NRG3: variants seen among roughly 807,000 people sequenced by gnomAD.
NRG3 encodes pro-neuregulin-3, membrane-bound isoform.
Under a neutral mutation model 66.9 loss-of-function variants are expected in NRG3, and 31 were observed. That is an observed-to-expected ratio of 0.46 (90% CI 0.35 to 0.63). The LOEUF is 0.63. NRG3 is among the 20% of genes least tolerant of loss of function. The probability of loss-of-function intolerance (pLI) is 0.00; values close to 1 mark genes in which losing one functional copy is unlikely to be tolerated. For synonymous variants in NRG3, 393 were observed against 359.4 expected (o/e 1.09, Z -1.06); for missense variants, 910 against 878.9 (o/e 1.04, Z -0.45).
At chr10:82,419,439 G>A (rs915423002) in intron 2 of NRG3, among the ~76,000 whole-genome samples, 2 of 152,098 alleles carry the variant, frequency 1.3e-5, no homozygotes, top group Admixed American at 6.6e-5. Flanking sequence ...ACACAACCTC[G>A]TTTTATAAAG....
chr10:82,322,126 T>G (rs2135150546), intron 1 of NRG3, among the ~76,000 whole-genome samples: 1 of 152,338 alleles, frequency 6.6e-6, no homozygotes, highest in African/African-American at 2.4e-5. Flanking sequence ...CCACTCTTAT[T>G]TTTATGATCT....
chr10:81,927,236 AT>A (rs1846894666), intron 1 of NRG3, among the ~76,000 whole-genome samples: 2 of 152,164 alleles, frequency 1.3e-5, no homozygotes, highest in African/African-American at 2.4e-5. Context: ...TAAACGCCAA[AT>A]TATTTTTTCT....
intron 2 of NRG3, among the ~76,000 whole-genome samples, chr10:82,547,465 A>G (rs912527887): frequency 6.7e-6 from 1 of 149,392 alleles, no homozygotes; most frequent in Non-Finnish European, 1.5e-5. Context: ...ATATGTATGT[A>G]TATATGTATA....
intron 1 of NRG3, among the ~76,000 whole-genome samples, chr10:82,277,578 CT>C (rs2078916859): frequency 6.6e-6 from 1 of 151,998 alleles, no homozygotes; most frequent in Non-Finnish European, 1.5e-5. Context: ...ATGTAACCTC[CT>C]TTTCATGGCT....
intron 2 of NRG3, among the ~76,000 whole-genome samples, chr10:82,736,240 G>A (rs1234243343): frequency 6.6e-5 from 10 of 152,152 alleles, no homozygotes; most frequent in Non-Finnish European, 1.5e-4. Flanking sequence ...TTCAATCTAT[G>A]CACTAGAAGT....
At chr10:82,408,143 G>GAAAGAAAGAA (rs1554911339) in intron 2 of NRG3, among the ~76,000 whole-genome samples, 21 of 139,130 alleles carry the variant, frequency 1.5e-4, no homozygotes, top group African/African-American at 5.1e-4. Flanking sequence ...AAGAAAGAAA[G>GAAAGAAAGAA]AAAAGAAAAA....
chr10:82,973,288 T>C (rs923609125), intron 6 of NRG3, among the ~76,000 whole-genome samples: 1 of 152,212 alleles, frequency 6.6e-6, no homozygotes, highest in Non-Finnish European at 1.5e-5. Context: ...TTAAACATGG[T>C]AACTACCTGG....
At chr10:82,229,885 A>G (rs1359051001) in intron 1 of NRG3, among the ~76,000 whole-genome samples, 1 of 152,252 alleles carries the variant, frequency 6.6e-6, no homozygotes. Context: ...AAAGGAGAAT[A>G]GAAACGGAAA....
At chr10:82,929,801 G>A (rs1302694224) in intron 4 of NRG3, among the ~76,000 whole-genome samples, 1 of 151,514 alleles carries the variant, frequency 6.6e-6, no homozygotes, top group Non-Finnish European at 1.5e-5. Flanking sequence ...GCTTGAAGGT[G>A]GGAGGCAGAG....
At chr10:82,075,209 A>G (rs1188426698) in intron 1 of NRG3, among the ~76,000 whole-genome samples, 1 of 152,068 alleles carries the variant, frequency 6.6e-6, no homozygotes, top group Non-Finnish European at 1.5e-5. Flanking sequence ...AGATTTTCTT[A>G]TGTATATGTT....
chr10:82,353,936 G>A (rs2083598399), intron 1 of NRG3, among the ~76,000 whole-genome samples: 1 of 146,252 alleles, frequency 6.8e-6, no homozygotes, highest in Admixed American at 6.8e-5. Flanking sequence ...TCTCTAAGTT[G>A]TTTTGGAGCC....
At chr10:82,020,311 T>A (rs2062002925) in intron 1 of NRG3, among the ~76,000 whole-genome samples, 2 of 152,122 alleles carry the variant, frequency 1.3e-5, no homozygotes, top group Admixed American at 6.6e-5. Context: ...TAAACTGCCT[T>A]GTTTAATTCC....
chr10:82,736,115 A>T (rs183426568), intron 2 of NRG3, among the ~76,000 whole-genome samples: 1 of 152,196 alleles, frequency 6.6e-6, no homozygotes, highest in Non-Finnish European at 1.5e-5. Context: ...GAAAAAAGAA[A>T]ATAAAACAAA....
intron 1 of NRG3, among the ~76,000 whole-genome samples, chr10:81,883,551 GGATGCAATATAGGCCATAC>G (rs756000624): frequency 6.6e-6 from 1 of 152,116 alleles, no homozygotes; most frequent in Non-Finnish European, 1.5e-5. Flanking sequence ...TGTGTATCAT[GGATGCAATATAGGCCATAC>G]GAACATTTTT....
chr10:81,910,830 T>C (rs1845066028), intron 1 of NRG3, among the ~76,000 whole-genome samples: 1 of 152,166 alleles, frequency 6.6e-6, no homozygotes, highest in Admixed American at 6.5e-5. Flanking sequence ...TTTTATTTTA[T>C]TTTATTTTAT....
chr10:82,015,444 T>C lies in NRG3; in HGVS notation c.823+139281T>C, dbSNP rs139951383. On this transcript the variant is annotated intron_variant, in intron 1 of 8. Coordinates refer to ENST00000372141, the MANE Select transcript of NRG3 (RefSeq NM_001010848.4). The stretch of plus-strand genomic sequence containing the variant: ...ATTGGGCTTTGTGTCCCCACCCAAA[T>C]CTCATCCTGAATTGTAATCCCCATA... 1.2e-3 allele frequency among the ~76,000 whole-genome samples: 185 copies of C among 152,222 alleles called. 1 individual carries two copies. The highest frequency in any genetic ancestry group is 4.2e-3 in the African/African-American group (175 of 41,544).
At chr10:82,947,036 C>A (rs1197726835) in intron 4 of NRG3, among the ~76,000 whole-genome samples, 1 of 152,014 alleles carries the variant, frequency 6.6e-6, no homozygotes, top group Non-Finnish European at 1.5e-5. Context: ...CCAGTGAAAC[C>A]ACCACTGTAA....
chr10:82,713,205 A>G (rs961643543), intron 2 of NRG3, among the ~76,000 whole-genome samples: 5 of 151,788 alleles, frequency 3.3e-5, no homozygotes, highest in Non-Finnish European at 5.9e-5. Context: ...TTAAAGGATC[A>G]TCGTAAGCAC....
At chr10:82,975,873 T>A (rs534137901) in intron 7 of NRG3, among the ~76,000 whole-genome samples, 1 of 152,270 alleles carries the variant, frequency 6.6e-6, no homozygotes, top group Admixed American at 6.5e-5. Flanking sequence ...ATAATTAATT[T>A]CTTTTGTGCA....
Sources: gnomAD v4.1 joint callset for allele counts (sites outside exome capture counted in the v4.1 genomes callset) on GRCh38, gnomAD v4.1.1 for gene constraint, MANE v1.5 for transcripts, NCBI Gene and HGNC (gene_info 2026-07-23, HGNC 2026-07-21) for gene names.